Variants in MAP2K5 observed in about 807,000 individuals in gnomAD.
The protein encoded by MAP2K5 is dual specificity mitogen-activated protein kinase kinase 5.
Under a neutral mutation model 83.1 loss-of-function variants are expected in MAP2K5, and 49 were observed. That is an observed-to-expected ratio of 0.59 (90% confidence interval 0.47 to 0.75). MAP2K5 has a LOEUF of 0.75. MAP2K5 is among the 30% of genes least tolerant of loss of function. MAP2K5 has a pLI of 0.00. For missense variants in MAP2K5, 457 were observed against 557.5 expected, an observed-to-expected ratio of 0.82 and a Z score of 1.82; for synonymous variants, 202 against 191.8, an observed-to-expected ratio of 1.05 and a Z score of -0.44.
In MAP2K5 at chr15:67,722,973, T is replaced by C. The variant is rs2088999036; in HGVS notation, c.1045-4943T>C. Among the ~76,000 whole-genome samples the C allele has an allele frequency of 6.6e-6, 1 of 152,138 alleles. No homozygotes were observed. The highest frequency in any genetic ancestry group is 2.1e-4 in the South Asian group (1 of 4,830). ...CGAGAAACATAGAATATGTCTAAAT[T>C]AAGAATAAAAAAATCCAGTGCTCTT... On this transcript the variant is annotated intron_variant, in intron 16 of 21. Transcript: ENST00000178640. The surrounding 1 kb of genome is among the most constrained non-coding windows in gnomAD (Gnocchi z 4.2).
chr15:67,710,373 G>A (rs2088661219), intron 16 of MAP2K5, among the ~76,000 whole-genome samples: 1 of 151,982 alleles, frequency 6.6e-6, no homozygotes, highest in Non-Finnish European at 1.5e-5. Flanking sequence ...TGGTTTGAAT[G>A]ATGTGCTGAA....
At chr15:67,612,586 T>G (rs2085952541) in intron 8 of MAP2K5, among the ~76,000 whole-genome samples, 1 of 152,174 alleles carries the variant, frequency 6.6e-6, no homozygotes, top group Non-Finnish European at 1.5e-5. Flanking sequence ...GTAGTTTGTG[T>G]CGTTCAGTTT....
intron 20 of MAP2K5, 56 bp from the exon 21 acceptor site, chr15:67,772,651 G>A: frequency 8.4e-7 from 1 of 1,191,672 alleles, no homozygotes; most frequent in Non-Finnish European, 1.2e-6. Flanking sequence ...AGAAATTATA[G>A]CAAAAATATA....
intron 8 of MAP2K5, among the ~76,000 whole-genome samples, chr15:67,604,094 A>G (rs2085725795): frequency 6.6e-6 from 1 of 152,212 alleles, no homozygotes; most frequent in African/African-American, 2.4e-5. Flanking sequence ...TTAAGTGTAG[A>G]TATCCTTCAC....
intron 8 of MAP2K5, among the ~76,000 whole-genome samples, chr15:67,617,654 G>A (rs1473224796): frequency 6.6e-6 from 1 of 152,030 alleles, no homozygotes; most frequent in Non-Finnish European, 1.5e-5. Context: ...GTCTTGTGTG[G>A]ACTTTTTAAC....
rs890181707 is a variant in MAP2K5, at chr15:67,587,713, A to G, written c.431+800A>G. On this transcript the variant is annotated intron_variant, in intron 6 of 21. Coordinates refer to ENST00000178640, the MANE Select transcript of MAP2K5 (RefSeq NM_145160.3). This position sits in a 1 kb window ranked among gnomAD's most constrained non-coding sequence, Gnocchi z 4.8. ...CGTGGTTGTTCCCTCTTCCAGGTCA[A>G]CAGCTCTTCCAGTTGTCTTCCCTCC... 1.3e-5 allele frequency among the ~76,000 whole-genome samples: 2 copies of G among 152,174 alleles called. No homozygotes were observed. The highest frequency in any genetic ancestry group is 4.8e-5 in the African/African-American group (2 of 41,444).
intron 2 of MAP2K5, among the ~76,000 whole-genome samples, chr15:67,558,154 C>T (rs1045287119): frequency 1.3e-5 from 2 of 152,124 alleles, no homozygotes; most frequent in East Asian, 3.9e-4. Context: ...ACTCAAGCAC[C>T]AGACTAGTTG....
Position 67,563,137 on chromosome 15 carries a change from A to G in MAP2K5, c.185-146A>G. The G allele has an allele frequency of 1.2e-6, 1 of 855,114 alleles. No homozygotes were observed. Among genetic ancestry groups the G allele is most frequent in the Non-Finnish European group, 1.7e-6 (1 of 598,204 alleles). 53.0% of individuals were successfully genotyped at this position (855,114 alleles called of 1,614,324 possible). A position where few individuals can be genotyped will look rare whatever the true frequency, so the allele number is the denominator to read the frequency against. On this transcript the variant is annotated intron_variant, in intron 2 of 21. Transcript: ENST00000178640. This position sits in a 1 kb window ranked among gnomAD's most constrained non-coding sequence, Gnocchi z 4.5. ...TGATCATATTCCAAATGGAAAACAA[A>G]ACAACAAACTAATAATGTCAACATA...
chr15:67,670,573 A>T (rs1363637765), intron 13 of MAP2K5: 2 of 369,764 alleles, frequency 5.4e-6, no homozygotes, highest in African/African-American at 4.3e-5. Context: ...CTCTAGAAAG[A>T]AGTTTTCCCT....
intron 13 of MAP2K5, among the ~76,000 whole-genome samples, chr15:67,686,646 ATG>A (rs2087963826): frequency 6.7e-6 from 1 of 150,302 alleles, no homozygotes; most frequent in Non-Finnish European, 1.5e-5. Flanking sequence ...TAATAATAAC[ATG>A]TTGTAGGGTT....
rs753468524 is a variant in MAP2K5, at chr15:67,748,650, T to C, written c.1134+49T>C. Reference sequence around the variant, plus strand: ...TCACTCCTAAAGTCATTCCTAATGGTGTGGAAAGCTTATATTTTGTTTCCT... The same window carrying C: ...TCACTCCTAAAGTCATTCCTAATGGCGTGGAAAGCTTATATTTTGTTTCCT... On this transcript the variant is annotated intron_variant, in intron 19 of 21. Transcript: ENST00000178640. This position sits in a 1 kb window ranked among gnomAD's most constrained non-coding sequence, Gnocchi z 4.0. The C allele has an allele frequency of 3.9e-5, 61 of 1,567,418 alleles. 1 individual carries two copies. In the Middle Eastern group the frequency reaches 1.7e-3, roughly 43 times the overall value.
At chr15:67,583,294 T>C (rs1388260631) in intron 4 of MAP2K5, among the ~76,000 whole-genome samples, 2 of 152,160 alleles carry the variant, frequency 1.3e-5, no homozygotes, top group African/African-American at 4.8e-5. Flanking sequence ...AGGGCTTGTT[T>C]TGGAGTGGAG....
rs1272476366 is a variant in MAP2K5 at position 67,664,641 on chromosome 15, T to C, written c.843T>C (p.His281=). Residue 281 remains histidine, a synonymous_variant, in exon 13 of 22, where the codon CAT becomes CAC. Transcript: ENST00000178640. ...LTYLWSLKIL[H]RDVKPSNMLV... ...ATTTGTGGAGTTTAAAGATTTTACA[T>C]AGAGGTATGTGCTGGGCTTATAAGC... is the stretch of plus-strand genomic sequence containing the variant. 1.9e-6 allele frequency: 3 copies of C among 1,601,946 alleles called. No homozygotes were observed. The highest frequency in any genetic ancestry group is 1.1e-5 in the South Asian group (1 of 90,792).
At chr15:67,803,100 A>G (rs1319035621) in intron 21 of MAP2K5, among the ~76,000 whole-genome samples, 2 of 152,254 alleles carry the variant, frequency 1.3e-5, no homozygotes, top group East Asian at 1.9e-4. Context: ...CACAGTGAGC[A>G]TGGGAGCCAG....
chr15:67,576,407 A>G (rs1182661079), intron 3 of MAP2K5, among the ~76,000 whole-genome samples: 1 of 148,074 alleles, frequency 6.8e-6, no homozygotes, highest in Admixed American at 6.7e-5. Context: ...AAACAAAACA[A>G]AGCAAAAAAT....
intron 21 of MAP2K5, among the ~76,000 whole-genome samples, chr15:67,805,221 C>T (rs368870377): frequency 2.0e-5 from 3 of 152,252 alleles, no homozygotes; most frequent in Non-Finnish European, 4.4e-5. Context: ...GATAGACCCA[C>T]GCAGGGTGTC....
intron 2 of MAP2K5, among the ~76,000 whole-genome samples, chr15:67,553,303 A>AAGC (rs2084549917): frequency 6.6e-6 from 1 of 152,222 alleles, no homozygotes; most frequent in African/African-American, 2.4e-5. Context: ...AGTGTGTCAA[A>AAGC]AGCCTGTTAA....
chr15:67,729,733 C>T (rs1346237532), intron 17 of MAP2K5, among the ~76,000 whole-genome samples: 1 of 152,126 alleles, frequency 6.6e-6, no homozygotes, highest in Non-Finnish European at 1.5e-5. Context: ...CACTGCACTC[C>T]AGCCTGGGCA....
intron 17 of MAP2K5, among the ~76,000 whole-genome samples, chr15:67,742,466 G>C (rs1427767904): frequency 1.3e-5 from 2 of 152,148 alleles, no homozygotes; most frequent in Admixed American, 1.3e-4. Context: ...ACCATAAAGA[G>C]TAGAGTAGTC....
Sources: allele counts gnomAD v4.1 joint callset (sites outside exome capture counted in the v4.1 genomes callset), GRCh38; gene constraint gnomAD v4.1.1; non-coding constraint Gnocchi (gnomAD v3.1); transcripts MANE v1.5; gene names NCBI Gene and HGNC (gene_info 2026-07-23, HGNC 2026-07-21).